The following FARP1 variants were observed in gnomAD, a reference collection of about 807,000 sequenced individuals.
FARP1 encodes the protein FERM, ARH/RhoGEF and pleckstrin domain protein 1.
FARP1 carries 52 observed loss-of-function variants against 128.8 expected under a neutral mutation model. That is an observed-to-expected ratio of 0.40 (90% CI 0.32 to 0.51). The LOEUF is 0.51. FARP1 is among the 20% of genes least tolerant of loss of function. The pLI is 0.45. For missense variants in FARP1, 1,333 were observed against 1,367.9 expected (o/e 0.97, Z 0.40); for synonymous variants, 580 against 551.8 (o/e 1.05, Z -0.72).
At chr13:98,407,669 ATCTT>A (rs1264359724) in intron 13 of FARP1, among the ~76,000 whole-genome samples, 9 of 152,082 alleles carry the variant, frequency 5.9e-5, no homozygotes, top group African/African-American at 2.2e-4. Flanking sequence ...ACATTTTCTA[ATCTT>A]GCTATCCAAG....
At chr13:98,351,553 A>G (rs1418637777) in intron 3 of FARP1, among the ~76,000 whole-genome samples, 1 of 151,432 alleles carries the variant, frequency 6.6e-6, no homozygotes, top group Non-Finnish European at 1.5e-5. Context: ...CGGAGCTCGC[A>G]GTGAGCTGAG....
rs189417568 is a variant in FARP1, at chr13:98,178,492, C to T, written c.-23-34728C>T. Reference sequence around the variant, plus strand: ...ATTACAGGCGTGAGCCACTGCACCCCGCCTTCAAATATTTTTAACCCTTTT... The same window carrying T: ...ATTACAGGCGTGAGCCACTGCACCCTGCCTTCAAATATTTTTAACCCTTTT... On this transcript the variant is annotated intron_variant, in intron 1 of 26. Transcript: ENST00000319562. Among the ~76,000 whole-genome samples, 325 of 152,284 alleles carry T rather than the reference C, an allele frequency of 2.1e-3. 2 individuals are homozygous for T. Among genetic ancestry groups the T allele is most frequent in the Middle Eastern group, 3.4e-3 (1 of 294 alleles).
chr13:98,338,147 T>A (rs950547118), intron 2 of FARP1, among the ~76,000 whole-genome samples: 5 of 152,232 alleles, frequency 3.3e-5, no homozygotes, highest in African/African-American at 1.2e-4. Flanking sequence ...GTAACAAAAC[T>A]TACCGTTTTT....
chr13:98,197,462 A>G (rs1879632041), intron 1 of FARP1, among the ~76,000 whole-genome samples: 1 of 151,868 alleles, frequency 6.6e-6, no homozygotes, highest in Non-Finnish European at 1.5e-5. Flanking sequence ...GCAAAACTCC[A>G]TCTCAAAAAA....
intron 3 of FARP1, among the ~76,000 whole-genome samples, chr13:98,348,364 A>C (rs1888266380): frequency 6.6e-6 from 1 of 152,234 alleles, no homozygotes; most frequent in African/African-American, 2.4e-5. Flanking sequence ...GATCATGGGA[A>C]TCAAGACCCC....
chr13:98,160,455 TA>T (rs1876799837), intron 1 of FARP1, among the ~76,000 whole-genome samples: 4 of 152,186 alleles, frequency 2.6e-5, no homozygotes, highest in South Asian at 2.1e-4. Flanking sequence ...ACTGAGGCTT[TA>T]AAAAAAATTT....
In FARP1 at chr13:98,447,763, G is replaced by A. The variant is rs77818202; in HGVS notation, c.3057-473G>A. ...CCTGGGAGGCCAAGGCTGGAGGATC[G>A]ATTGAGCCCAGGAGGTAGCTACAGT... On this transcript the variant is annotated intron_variant, in intron 26 of 26. Transcript: ENST00000319562. 465 of 159,074 alleles carry A rather than the reference G, an allele frequency of 2.9e-3. 2 individuals carry two copies. Among genetic ancestry groups the A allele is most frequent in the African/African-American group, 0.01 (420 of 41,570 alleles). 9.9% of individuals were successfully genotyped at this position (159,074 alleles called of 1,614,324 possible). A position where few individuals can be genotyped will look rare whatever the true frequency, so the allele number is the denominator to read the frequency against.
At chr13:98,179,786 G>A (rs1021667993) in intron 1 of FARP1, among the ~76,000 whole-genome samples, 11 of 152,104 alleles carry the variant, frequency 7.2e-5, no homozygotes, top group African/African-American at 2.2e-4. Flanking sequence ...GAACCCGGGA[G>A]GCAGAGCTTA....
chr13:98,343,074 A>T (rs1247014349), intron 2 of FARP1, among the ~76,000 whole-genome samples: 1 of 152,180 alleles, frequency 6.6e-6, no homozygotes, highest in African/African-American at 2.4e-5. Context: ...TTACTGAATG[A>T]AAGAAGGCAG....
Position 98,455,151 on chromosome 13 carries a change from T to G in FARP1, c.*6834T>G, listed in dbSNP as rs1025917837. The G allele has an allele frequency of 6.6e-6, 1 of 152,256 alleles. No homozygotes were observed. The highest frequency in any genetic ancestry group is 1.5e-5 in the Non-Finnish European group (1 of 68,046). 9.4% of individuals were successfully genotyped at this position (152,256 alleles called of 1,614,324 possible). Reference sequence around the variant, plus strand: ...ATTGTTGTTATTAATGTTGAAATAATACTTTGGATCTGGCAGGTTAAAAAA... The same window carrying G: ...ATTGTTGTTATTAATGTTGAAATAAGACTTTGGATCTGGCAGGTTAAAAAA... On this transcript the variant is annotated 3_prime_UTR_variant, in exon 27 of 27. Coordinates refer to ENST00000319562, the MANE Select transcript of FARP1 (RefSeq NM_005766.4).
chr13:98,343,917 G>A (rs774431680), intron 3 of FARP1, 51 bp downstream of exon 3: 30 of 1,221,806 alleles, frequency 2.5e-5, no homozygotes, highest in Non-Finnish European at 3.5e-5. Flanking sequence ...TCATCTTGGT[G>A]GGGGGCTGGG....
chr13:98,320,045 C>T (rs1043927521), intron 2 of FARP1, among the ~76,000 whole-genome samples: 2 of 152,112 alleles, frequency 1.3e-5, no homozygotes, highest in African/African-American at 4.8e-5. Context: ...GGTGAGGTTA[C>T]GTGAGCCAGG....
At chr13:98,354,468 G>A (rs374008068) in intron 3 of FARP1, among the ~76,000 whole-genome samples, 1 of 152,154 alleles carries the variant, frequency 6.6e-6, no homozygotes, top group East Asian at 1.9e-4. Flanking sequence ...CAATAAGGAC[G>A]TTCTTTAGTT....
Position 98,385,953 on chromosome 13 carries a change from C to T in FARP1, c.759+139C>T, listed in dbSNP as rs535811585. The T allele has an allele frequency of 2.8e-4, 237 of 852,862 alleles. 1 individual carries two copies. In the East Asian group the frequency reaches 6.2e-3, roughly 22 times the overall value. 52.8% of individuals were successfully genotyped at this position (852,862 alleles called of 1,614,324 possible). On this transcript the variant is annotated intron_variant, in intron 8 of 26. Coordinates refer to ENST00000319562, the MANE Select transcript of FARP1 (RefSeq NM_005766.4). ...GAACAAAGAAAAATTAACCTCATCT[C>T]AGGCTTTCTGTTTCCCAGGCCCTCA...
chr13:98,351,275 T>G (rs1356131950), intron 3 of FARP1, among the ~76,000 whole-genome samples: 2 of 152,144 alleles, frequency 1.3e-5, no homozygotes, highest in Non-Finnish European at 2.9e-5. Flanking sequence ...GTTAGGCCAT[T>G]TGTGTTGCTA....
intron 2 of FARP1, among the ~76,000 whole-genome samples, chr13:98,305,871 T>C (rs1040669020): frequency 6.6e-6 from 1 of 152,056 alleles, no homozygotes; most frequent in Admixed American, 6.6e-5. Flanking sequence ...CTTTTTTTTT[T>C]CTTGCACTTT....
intron 16 of FARP1, among the ~76,000 whole-genome samples, chr13:98,417,455 G>GAAAAAA (rs869304302): frequency 1.4e-3 from 79 of 58,454 alleles, no homozygotes; most frequent in Non-Finnish European, 1.9e-3. Flanking sequence ...CCAGAGGTTT[G>GAAAAAA]AAAAAAAAAA....
chr13:98,320,568 A>G (rs1171508978), intron 2 of FARP1, among the ~76,000 whole-genome samples: 1 of 152,234 alleles, frequency 6.6e-6, no homozygotes, highest in Non-Finnish European at 1.5e-5. Flanking sequence ...CTTAAGTCAG[A>G]TAAGAATGAA....
At chr13:98,375,280 C>A (rs1414948655) in intron 5 of FARP1, among the ~76,000 whole-genome samples, 1 of 152,156 alleles carries the variant, frequency 6.6e-6, no homozygotes, top group African/African-American at 2.4e-5. Context: ...GGTTTTTTCA[C>A]CCATTGATAA....
Sources: allele counts gnomAD v4.1 joint callset (sites outside exome capture counted in the v4.1 genomes callset), GRCh38; gene constraint gnomAD v4.1.1; transcripts MANE v1.5; gene names NCBI Gene and HGNC (gene_info 2026-07-23, HGNC 2026-07-21).